GABPB1: variants seen among roughly 807,000 people sequenced by gnomAD.
GABPB1 encodes GA binding protein transcription factor subunit beta 1.
Under a neutral mutation model 45.9 loss-of-function variants are expected in GABPB1, and 15 were observed. The ratio of observed to expected loss-of-function variants is 0.33; its 90% CI spans 0.22 to 0.50. The LOEUF (loss-of-function observed/expected upper bound fraction) is 0.50. Ranked by LOEUF, GABPB1 falls within the 20% of genes least tolerant of loss-of-function variation. GABPB1 has a pLI of 0.98. For synonymous variants in GABPB1, 143 were observed against 154.4 expected, an observed-to-expected ratio of 0.93 and a Z score of 0.55; for missense variants, 252 against 457.5, an observed-to-expected ratio of 0.55 and a Z score of 4.10.
At position 50,289,604 on chromosome 15, in the gene GABPB1, A is replaced by C; in HGVS notation, c.762T>G (p.Ser254Arg). ...TTGTGATGACTTGCTGACCCCCTGA[A>C]CTAACTACTTGCTGAATGGCACCAT... ...SVDGAIQQVV[S>R]SGGQQVITIV... is the part of the protein sequence containing the mutation. Residue 254 changes from serine to arginine, a missense_variant, in exon 7 of 9, where the codon AGT becomes AGG. Transcript: ENST00000380877. 3 of 1,613,698 alleles carry C rather than the reference A, an allele frequency of 1.9e-6. No individual in the cohort carries two copies. Among genetic ancestry groups the C allele is most frequent in the Non-Finnish European group, 2.5e-6 (3 of 1,179,882 alleles).
At chr15:50,287,626 C>G (rs2046209754) in intron 7 of GABPB1, among the ~76,000 whole-genome samples, 1 of 152,222 alleles carries the variant, frequency 6.6e-6, no homozygotes, top group African/African-American at 2.4e-5. Context: ...ACCTGCCCAA[C>G]ACCTTGATCT....
At chr15:50,318,102 C>T (rs2047415511) in intron 1 of GABPB1, among the ~76,000 whole-genome samples, 1 of 152,094 alleles carries the variant, frequency 6.6e-6, no homozygotes, top group Non-Finnish European at 1.5e-5. Context: ...TGCTCTTTAT[C>T]TACATTGTCT....
chr15:50,307,570 T>C (rs1253589869), intron 2 of GABPB1, among the ~76,000 whole-genome samples: 1 of 151,914 alleles, frequency 6.6e-6, no homozygotes, highest in African/African-American at 2.4e-5. Flanking sequence ...GGCTTGGTGG[T>C]GGGTGCCTGT....
chr15:50,321,276 A>C (rs1848771241), intron 1 of GABPB1, among the ~76,000 whole-genome samples: 2 of 152,250 alleles, frequency 1.3e-5, no homozygotes, highest in South Asian at 4.1e-4. Context: ...AGCAACTTAT[A>C]CTCCCACTAT....
intron 1 of GABPB1, chr15:50,348,964 T>C (rs2048714398): frequency 1.3e-5 from 2 of 152,184 alleles, no homozygotes; most frequent in Admixed American, 1.3e-4. Context: ...TAATTGACTT[T>C]AATTTACCAT....
chr15:50,317,806 G>A (rs113111485), intron 1 of GABPB1, among the ~76,000 whole-genome samples: 10,714 of 151,906 alleles, frequency 0.071, 532 homozygotes, highest in Middle Eastern at 0.13. Flanking sequence ...CTACTCGGGA[G>A]GCTGAGGCAG....
intron 1 of GABPB1, chr15:50,349,433 G>C (rs2048738179): frequency 6.6e-6 from 1 of 152,086 alleles, no homozygotes; most frequent in African/African-American, 2.4e-5. Flanking sequence ...ATCATCATGA[G>C]CTAAGTATTA....
chr15:50,310,261 T>G (rs188888456), intron 1 of GABPB1, among the ~76,000 whole-genome samples: 1 of 152,052 alleles, frequency 6.6e-6, no homozygotes, highest in African/African-American at 2.4e-5. Context: ...CCCAGCTAAT[T>G]TTTCTATTTT....
chr15:50,301,549 T>C (rs1434687686), intron 4 of GABPB1, among the ~76,000 whole-genome samples, 181 bp from the exon 5 acceptor site: 1 of 152,170 alleles, frequency 6.6e-6, no homozygotes, highest in Non-Finnish European at 1.5e-5. Context: ...TATATTTATA[T>C]CCCAAGTCCC....
At chr15:50,301,032 C>T (rs950835466) in intron 5 of GABPB1, 130 bp from the exon 6 acceptor site, 2 of 788,768 alleles carry the variant, frequency 2.5e-6, no homozygotes, top group African/African-American at 3.5e-5. Context: ...GGTAATACTG[C>T]AGTAAATTTT....
intron 6 of GABPB1, among the ~76,000 whole-genome samples, chr15:50,297,114 T>C (rs907708968): frequency 6.6e-6 from 1 of 151,856 alleles, no homozygotes; most frequent in African/African-American, 2.4e-5. Context: ...TTTCACCATG[T>C]TGGCCAGGCT....
At chr15:50,333,643 A>G (rs1595823565) in intron 1 of GABPB1, among the ~76,000 whole-genome samples, 1 of 152,256 alleles carries the variant, frequency 6.6e-6, no homozygotes, top group East Asian at 1.9e-4. Context: ...CTTTAAATAT[A>G]TTTTCACTGG....
intron 1 of GABPB1, among the ~76,000 whole-genome samples, chr15:50,325,466 C>T (rs1238308584): frequency 6.6e-6 from 1 of 151,966 alleles, no homozygotes; most frequent in Non-Finnish European, 1.5e-5. Context: ...AAAAAATCAT[C>T]ATCATCTGTG....
chr15:50,342,993 G>C (rs1287421260), intron 1 of GABPB1, among the ~76,000 whole-genome samples: 4 of 151,950 alleles, frequency 2.6e-5, no homozygotes, highest in African/African-American at 9.6e-5. Context: ...TCCGCCTCCC[G>C]GGTTCACGCC....
At chr15:50,315,305 T>A (rs963871473) in intron 1 of GABPB1, among the ~76,000 whole-genome samples, 4 of 152,120 alleles carry the variant, frequency 2.6e-5, no homozygotes, top group Non-Finnish European at 4.4e-5. Context: ...CTGATTTTTG[T>A]ATTTTTTGTA....
At chr15:50,300,732 A>T in intron 6 of GABPB1, 57 bp downstream of exon 6, 1 of 1,098,328 alleles carries the variant, frequency 9.1e-7, no homozygotes, top group Non-Finnish European at 1.4e-6. Flanking sequence ...GGTGTGAGCC[A>T]CGGCACCCAG....
At chr15:50,295,651 A>G (rs1399659946) in intron 6 of GABPB1, among the ~76,000 whole-genome samples, 1 of 151,532 alleles carries the variant, frequency 6.6e-6, no homozygotes, top group Admixed American at 6.6e-5. Context: ...TTTTTTGTCT[A>G]TTCATTTTGG....
At chr15:50,279,726 T>C (rs375788706) in intron 8 of GABPB1, among the ~76,000 whole-genome samples, 14 of 152,124 alleles carry the variant, frequency 9.2e-5, no homozygotes, top group Admixed American at 7.2e-4. Context: ...GTCTTAGGAA[T>C]GAGGCAACCT....
Position 50,286,247 on chromosome 15 carries a change from G to A in GABPB1, c.884-64C>T, listed in dbSNP as rs938203330. On this transcript the variant is annotated intron_variant, in intron 7 of 8. Transcript: ENST00000380877. ...GAGAGATTTATTAGAAATAAAACTAGTCTTGACATTGTTGATGCTACTCAT... is the reference window on the plus strand; with the variant it reads ...GAGAGATTTATTAGAAATAAAACTAATCTTGACATTGTTGATGCTACTCAT... 6 of 1,136,344 alleles carry A rather than the reference G, an allele frequency of 5.3e-6. No individual in the cohort carries two copies. In the African/African-American group the frequency reaches 9.7e-5, roughly 18 times the overall value. 70.4% of individuals were successfully genotyped at this position (1,136,344 alleles called of 1,614,324 possible). A position where few individuals can be genotyped will look rare whatever the true frequency, so the allele number is the denominator to read the frequency against.
Sources: allele counts gnomAD v4.1 joint callset (sites outside exome capture counted in the v4.1 genomes callset), GRCh38; gene constraint gnomAD v4.1.1; transcripts MANE v1.5; gene names NCBI Gene and HGNC (gene_info 2026-07-23, HGNC 2026-07-21).